The following TSGA10IP variants were observed in gnomAD, a reference collection of about 807,000 sequenced individuals.
TSGA10IP encodes the protein testis-specific protein 10-interacting protein.
A neutral mutation model predicts 63.2 loss-of-function variants in TSGA10IP; 64 were observed. The observed-to-expected ratio is 1.01, with a 90% CI of 0.83 to 1.25. The LOEUF (loss-of-function observed/expected upper bound fraction) is 1.25, where lower values mean the gene tolerates loss of function less well. TSGA10IP is among the 50% of genes most tolerant of loss of function. The probability of loss-of-function intolerance (pLI) is 0.00; values close to 1 mark genes in which losing one functional copy is unlikely to be tolerated. For missense variants in TSGA10IP, 681 were observed against 710.1 expected (o/e 0.96, Z 0.47); for synonymous variants, 316 against 298.3 (o/e 1.06, Z -0.61).
At chr11:65,950,420 G>A (rs1243952925) in intron 4 of TSGA10IP, among the ~76,000 whole-genome samples, 4 of 151,842 alleles carry the variant, frequency 2.6e-5, no homozygotes, top group African/African-American at 4.8e-5. Flanking sequence ...TTAGAGACAG[G>A]GTCTTGCTGT....
chr11:65,953,824 G>A, intron 5 of TSGA10IP, 87 bp downstream of exon 5: 1 of 1,148,076 alleles, frequency 8.7e-7, no homozygotes, highest in Non-Finnish European at 1.2e-6. Context: ...AGGAGCACCA[G>A]CCCTCGCCTT....
chr11:65,959,960 T>C (rs1404299422), exon 8 of TSGA10IP: 1 of 1,612,082 alleles, frequency 6.2e-7, no homozygotes, highest in East Asian at 2.2e-5. Flanking sequence ...AAAGGCTTTA[T>C]GGCAAACACA....
chr11:65,950,841 C>T (rs1461632640), intron 4 of TSGA10IP, among the ~76,000 whole-genome samples: 3 of 152,242 alleles, frequency 2.0e-5, no homozygotes, highest in South Asian at 2.1e-4. Flanking sequence ...GGATTACAGG[C>T]GTGAGCCACC....
intron 1 of TSGA10IP, among the ~76,000 whole-genome samples, chr11:65,946,037 G>A (rs943590516): frequency 6.6e-6 from 1 of 152,212 alleles, no homozygotes; most frequent in African/African-American, 2.4e-5. Context: ...GGATGATGGG[G>A]CCATTCAGGG....
At chr11:65,959,361 G>A (rs1319199701) in intron 7 of TSGA10IP, 47 bp downstream of exon 7, 5 of 1,596,420 alleles carry the variant, frequency 3.1e-6, no homozygotes, top group Admixed American at 1.7e-5. Context: ...ATGCTGCTGC[G>A]GGAAGGGGCG....
exon 6 of TSGA10IP, chr11:65,958,977 A>G: frequency 6.2e-7 from 1 of 1,613,058 alleles, no homozygotes; most frequent in Non-Finnish European, 8.5e-7. Context: ...CCAGCAGGCT[A>G]TGCAGGTGAG....
intron 1 of TSGA10IP, 79 bp downstream of exon 1, chr11:65,945,901 G>A (rs1854822715): frequency 6.5e-7 from 1 of 1,529,402 alleles, no homozygotes; most frequent in African/African-American, 1.4e-5. Flanking sequence ...GGAGGCCCTT[G>A]AGAAGCCACA....
chr11:65,955,608 G>A (rs1388559064), intron 5 of TSGA10IP, among the ~76,000 whole-genome samples: 9 of 147,006 alleles, frequency 6.1e-5, no homozygotes, highest in African/African-American at 2.1e-4. Context: ...GAAAGACTCC[G>A]TTTCAAAAAA....
chr11:65,947,366 G>A (rs760600117), exon 3 of TSGA10IP: 3 of 1,612,058 alleles, frequency 1.9e-6, no homozygotes, highest in East Asian at 2.2e-5. Flanking sequence ...CTGGGGCGGT[G>A]TCTCCATCCC....
exon 1 of TSGA10IP, chr11:65,945,750 C>T (rs114500482): frequency 5.0e-6 from 8 of 1,612,968 alleles, no homozygotes; most frequent in Non-Finnish European, 5.1e-6. Context: ...CAGGGCAGGA[C>T]GTGCGGCTCC....
chr11:65,956,862 T>C (rs1331582815), intron 5 of TSGA10IP, among the ~76,000 whole-genome samples: 4 of 152,138 alleles, frequency 2.6e-5, no homozygotes. Context: ...GCAGGAAGTG[T>C]AAGGTTCAGA....
intron 4 of TSGA10IP, among the ~76,000 whole-genome samples, chr11:65,953,030 C>CTTTTTTTTTTTTTTT (rs543769953): frequency 4.5e-5 from 6 of 133,656 alleles, no homozygotes; most frequent in South Asian, 2.3e-4. Context: ...TTCTTTCTTT[C>CTTTTTTTTTTTTTTT]TTTTTTTTTT....
rs770879050 is a variant in TSGA10IP, at chr11:65,958,841, T to C, written c.1323-42T>C. On this transcript the variant is annotated intron_variant, in intron 5 of 7. Transcript: ENST00000532620. The stretch of plus-strand genomic sequence containing the variant: ...GGGCTCAGGAATGGAGATCAACAGT[T>C]GTGTCCATGGTTAGCTGCACAAAGG... The C allele has an allele frequency of 2.1e-5, 32 of 1,551,212 alleles. 1 individual carries two copies. In the East Asian group the frequency reaches 2.9e-4, roughly 14 times the overall value.
At chr11:65,946,856 TC>T (rs768716957) in intron 1 of TSGA10IP, 23 bp from the exon 2 acceptor site, 3 of 1,611,354 alleles carry the variant, frequency 1.9e-6, no homozygotes, top group Non-Finnish European at 2.5e-6. Flanking sequence ...AGCTGGCTGC[TC>T]CTCCCCTACT....
chr11:65,951,198 T>A (rs1854936036), intron 4 of TSGA10IP, among the ~76,000 whole-genome samples: 1 of 152,202 alleles, frequency 6.6e-6, no homozygotes, highest in South Asian at 2.1e-4. Context: ...ACTAATTTCA[T>A]TTCCTTTGAA....
In TSGA10IP at chr11:65,945,558, C is replaced by T; in HGVS notation, c.-118C>T. 6 of 1,154,358 alleles carry T rather than the reference C, an allele frequency of 5.2e-6. No individual in the cohort carries two copies. The South Asian group carries it at 9.3e-5, about 18-fold the overall frequency. The allele number at this position is 1,154,358 out of a possible 1,614,324, so 71.5% of individuals were successfully genotyped here. On this transcript the variant is annotated 5_prime_UTR_variant, in exon 1 of 8. Coordinates refer to ENST00000532620, the Ensembl canonical transcript of TSGA10IP. ...CCCAGAAGGAGATTGGCCTCACATACCCCACTGACCCCTTCCTAGCATGCT... is the reference window on the plus strand; with the variant it reads ...CCCAGAAGGAGATTGGCCTCACATATCCCACTGACCCCTTCCTAGCATGCT...
chr11:65,958,834 C>A, intron 5 of TSGA10IP, 49 bp from the exon 6 acceptor site: 2 of 1,517,808 alleles, frequency 1.3e-6, no homozygotes, highest in Non-Finnish European at 9.1e-7. Context: ...GAATGGAGAT[C>A]AACAGTTGTG....
At chr11:65,955,355 C>T (rs570988193) in intron 5 of TSGA10IP, among the ~76,000 whole-genome samples, 434 of 152,196 alleles carry the variant, frequency 2.9e-3, no homozygotes, top group African/African-American at 1.0e-2. Context: ...CCTGTAATCC[C>T]AACACTTTGG....
chr11:65,951,518 T>TTTATTATTATTA (rs4013981), intron 4 of TSGA10IP, among the ~76,000 whole-genome samples: 27,684 of 138,794 alleles, frequency 0.2, 2,924 homozygotes, highest in Non-Finnish European at 0.22. Flanking sequence ...ATTTGCTTAT[T>TTTATTATTATTA]TTATTATTAT....
Sources: allele counts gnomAD v4.1 joint callset (sites outside exome capture counted in the v4.1 genomes callset), GRCh38; gene constraint gnomAD v4.1.1; transcripts MANE v1.5; gene names NCBI Gene and HGNC (gene_info 2026-07-23, HGNC 2026-07-21).